Variants in USP28 observed in about 807,000 individuals in gnomAD.
The protein encoded by USP28 is ubiquitin carboxyl-terminal hydrolase 28.
A neutral mutation model predicts 145.0 loss-of-function variants in USP28; 113 were observed. The ratio of observed to expected loss-of-function variants is 0.78; its 90% confidence interval spans 0.67 to 0.91. USP28 has a LOEUF of 0.91. Among genes scored for constraint, USP28 ranks in the 40% least tolerant of loss-of-function variants. USP28 has a pLI of 0.00. For missense variants in USP28, 1,201 were observed against 1,289.6 expected (o/e 0.93, Z 1.05); for synonymous variants, 447 against 450.9 (o/e 0.99, Z 0.11).
chr11:113,861,851 A>G (rs548863534), intron 1 of USP28, among the ~76,000 whole-genome samples: 25 of 152,370 alleles, frequency 1.6e-4, no homozygotes, highest in South Asian at 4.1e-4. Flanking sequence ...TGAGGCTGAC[A>G]AACATATCGA....
intron 3 of USP28, among the ~76,000 whole-genome samples, chr11:113,845,006 G>A (rs367658579): frequency 6.6e-6 from 1 of 151,942 alleles, no homozygotes; most frequent in East Asian, 1.9e-4. Context: ...CATAGTCCCA[G>A]GTACTTGGGA....
chr11:113,834,411 A>G (rs1944344582), intron 5 of USP28, 76 bp from the exon 6 acceptor site: 1 of 1,001,722 alleles, frequency 1.0e-6, no homozygotes, highest in Non-Finnish European at 1.4e-6. Flanking sequence ...TTCACTTCAA[A>G]TATTTTATTT....
At chr11:113,836,378 C>T (rs1476202388) in intron 5 of USP28, among the ~76,000 whole-genome samples, 8 of 152,176 alleles carry the variant, frequency 5.3e-5, no homozygotes, top group Admixed American at 2.6e-4. Flanking sequence ...ATCCAACTCC[C>T]ATCGCCGCTC....
intron 1 of USP28, among the ~76,000 whole-genome samples, chr11:113,861,638 A>C (rs1444414028): frequency 6.6e-6 from 1 of 152,214 alleles, no homozygotes; most frequent in Non-Finnish European, 1.5e-5. Context: ...AAAGGAAATC[A>C]CCTTCTTCCC....
intron 16 of USP28, among the ~76,000 whole-genome samples, chr11:113,809,706 T>A (rs1940641615): frequency 6.6e-6 from 1 of 152,204 alleles, no homozygotes; most frequent in Admixed American, 6.5e-5. Flanking sequence ...TCATTAAACA[T>A]CTGCTAAGTG....
intron 12 of USP28, chr11:113,820,327 T>A (rs1327022607): frequency 1.3e-5 from 2 of 152,246 alleles, no homozygotes; most frequent in African/African-American, 4.8e-5. Flanking sequence ...GTAGGAAGAA[T>A]GAGCAATGTC....
At chr11:113,804,743 C>G (rs1292055121) in exon 21 of USP28, 4 of 1,614,042 alleles carry the variant, frequency 2.5e-6, no homozygotes, top group African/African-American at 1.3e-5. Flanking sequence ...CTTCATAATG[C>G]TGATTGATCT....
At chr11:113,824,152 G>T (rs533548066) in intron 11 of USP28, among the ~76,000 whole-genome samples, 2 of 152,078 alleles carry the variant, frequency 1.3e-5, no homozygotes, top group African/African-American at 4.8e-5. Flanking sequence ...AAGAACAAAT[G>T]AAAAATGAAA....
At chr11:113,835,145 G>T (rs900689141) in intron 5 of USP28, 1 of 397,598 alleles carries the variant, frequency 2.5e-6, no homozygotes, top group African/African-American at 2.1e-5. Context: ...ACAGCAGATG[G>T]TAGAACTGGA....
In USP28 at chr11:113,799,832, TA is replaced by T. The variant is rs552169413; in HGVS notation, c.3059-418del. Among the ~76,000 whole-genome samples, 64 of 151,654 alleles carry T rather than the reference TA, an allele frequency of 4.2e-4. No individual in the cohort carries two copies. In the South Asian group the frequency reaches 8.1e-3, roughly 19 times the overall value. ...CCTCACTAACAATAGCTGATGAGGT[TA>T]AAAAAAAATTCATAATGTTTTAAGA... On this transcript the variant is annotated intron_variant, in intron 24 of 24. Coordinates refer to ENST00000003302, the Ensembl canonical transcript of USP28.
At chr11:113,817,599 T>G in intron 13 of USP28, 59 bp downstream of exon 13, 1 of 1,556,334 alleles carries the variant, frequency 6.4e-7, no homozygotes. Flanking sequence ...AGATGGTGCA[T>G]AGTTTAAATT....
At chr11:113,828,772 T>G (rs1243545446) in intron 10 of USP28, 5 of 319,266 alleles carry the variant, frequency 1.6e-5, no homozygotes, top group Non-Finnish European at 2.5e-5. Context: ...TTAAAAATGT[T>G]AAAAGCAAAG....
rs773821186 is a variant in USP28, at chr11:113,806,566, T to A, written c.2323A>T (p.Met775Leu). Residue 775 changes from methionine (M) to leucine (L), a missense_variant, in exon 19 of 25, where the codon ATG becomes TTG. Met to Leu is a conservative substitution (Grantham distance 15). Transcript: ENST00000003302. ...GCTATGGCCAGGATGACCCCTTGCA[T>A]GGCAGGGCTCAGCATCACCTACCAC... 3.7e-5 allele frequency: 59 copies of A among 1,588,736 alleles called. No homozygotes were observed. The highest frequency in any genetic ancestry group is 4.7e-5 in the Non-Finnish European group (55 of 1,169,824).
In USP28 at chr11:113,803,732, C is replaced by T. The variant is rs904887834; in HGVS notation, c.2738+66G>A. 6 of 1,319,228 alleles carry T rather than the reference C, an allele frequency of 4.5e-6. No individual in the cohort carries two copies. The Admixed American group carries it at 5.5e-5, about 12-fold the overall frequency. 81.7% of individuals were successfully genotyped at this position (1,319,228 alleles called of 1,614,324 possible). A position where few individuals can be genotyped will look rare whatever the true frequency, so the allele number is the denominator to read the frequency against. On this transcript the variant is annotated intron_variant, in intron 22 of 24. Coordinates refer to ENST00000003302, the Ensembl canonical transcript of USP28. ...GCATGGCTGTGACTCTTAGTATTCCCAGGTAGGCATCTACAGAGAACAGCA... is the reference window on the plus strand; with the variant it reads ...GCATGGCTGTGACTCTTAGTATTCCTAGGTAGGCATCTACAGAGAACAGCA...
chr11:113,823,881 A>T (rs1401546733), intron 11 of USP28, among the ~76,000 whole-genome samples, 181 bp from the exon 12 acceptor site: 3 of 152,224 alleles, frequency 2.0e-5, no homozygotes, highest in Non-Finnish European at 4.4e-5. Flanking sequence ...AGGAACAAGG[A>T]TACCCACTCT....
chr11:113,798,080 T>G (rs1279807366), exon 25 of USP28: 12 of 145,742 alleles, frequency 8.2e-5, no homozygotes, highest in African/African-American at 2.8e-4. Context: ...TTTTTTTTTT[T>G]TTTTTTTTTT....
At chr11:113,859,697 G>C (rs1268259291) in intron 1 of USP28, among the ~76,000 whole-genome samples, 2 of 152,086 alleles carry the variant, frequency 1.3e-5, no homozygotes, top group Non-Finnish European at 2.9e-5. Flanking sequence ...TTCACAGAAA[G>C]AGGATTTAAA....
intron 24 of USP28, among the ~76,000 whole-genome samples, chr11:113,801,177 C>T (rs1289101815): frequency 6.6e-6 from 1 of 152,158 alleles, no homozygotes; most frequent in African/African-American, 2.4e-5. Flanking sequence ...AAGAGTTCAT[C>T]TTTTGGCACA....
chr11:113,824,974 T>C (rs1470411319), intron 11 of USP28, among the ~76,000 whole-genome samples: 2 of 146,662 alleles, frequency 1.4e-5, no homozygotes, highest in African/African-American at 5.0e-5. Flanking sequence ...CCCAAACTGA[T>C]CTGTAAGTTC....
Sources: gnomAD v4.1 joint callset for allele counts (sites outside exome capture counted in the v4.1 genomes callset) on GRCh38, gnomAD v4.1.1 for gene constraint, MANE v1.5 for transcripts, NCBI Gene and HGNC (gene_info 2026-07-23, HGNC 2026-07-21) for gene names.